The following CPA6 variants were observed in gnomAD, a reference collection of about 807,000 sequenced individuals.
CPA6 encodes the protein carboxypeptidase A6, also known as carboxypeptidase B.
CPA6 carries 58 observed loss-of-function variants against 63.3 expected under a neutral mutation model. The observed-to-expected ratio is 0.92, with a 90% CI of 0.74 to 1.14. CPA6 has a LOEUF of 1.14. CPA6 is among the 50% of genes most tolerant of loss of function. CPA6 has a pLI of 0.00. For synonymous variants in CPA6, 185 were observed against 179.0 expected (o/e 1.03, Z -0.27); for missense variants, 565 against 526.6 (o/e 1.07, Z -0.71).
intron 1 of CPA6, among the ~76,000 whole-genome samples, chr8:67,644,308 CG>C (rs1350196735): frequency 6.6e-6 from 1 of 152,062 alleles, no homozygotes; most frequent in Non-Finnish European, 1.5e-5. Flanking sequence ...TTAGTAGAGA[CG>C]GCGTTTCACC....
chr8:67,430,240 C>T (rs1158939377), intron 9 of CPA6, among the ~76,000 whole-genome samples: 5 of 146,310 alleles, frequency 3.4e-5, no homozygotes, highest in African/African-American at 5.1e-5. Context: ...AGTGCAATGG[C>T]GTGATCTCGG....
At chr8:67,596,018 C>T (rs1030710310) in intron 2 of CPA6, among the ~76,000 whole-genome samples, 18 of 152,214 alleles carry the variant, frequency 1.2e-4, no homozygotes, top group African/African-American at 4.1e-4. Context: ...TCCTATTCGG[C>T]CATCTTGGCT....
At chr8:67,682,489 C>T (rs1816619215) in intron 1 of CPA6, among the ~76,000 whole-genome samples, 2 of 152,124 alleles carry the variant, frequency 1.3e-5, no homozygotes, top group Admixed American at 6.6e-5. Context: ...TCTACTTATT[C>T]TATCATTGGT....
rs761993470 is a variant in CPA6 at position 67,719,468 on chromosome 8, A to T, written c.116+26546T>A. ...ATTAAAGGGGAAAGGCAAGGGCTGC[A>T]GTGGGCCAAGTTATGGAGGGCCTTG... On this transcript the variant is annotated intron_variant, in intron 1 of 10. Transcript: ENST00000297770. Among the ~76,000 whole-genome samples the T allele has an allele frequency of 1.3e-4, 20 of 152,312 alleles. No homozygotes were observed. The South Asian group carries it at 2.7e-3, about 20-fold the overall frequency.
At chr8:67,607,182 T>TCTC (rs1814673782) in intron 2 of CPA6, among the ~76,000 whole-genome samples, 1 of 21,428 alleles carries the variant, frequency 4.7e-5, no homozygotes, top group Non-Finnish European at 8.9e-5. Context: ...TTCTTCTTCT[T>TCTC]CTTCTTCTTC....
At chr8:67,475,873 T>A (rs11991984) in intron 8 of CPA6, among the ~76,000 whole-genome samples, 1 of 88,614 alleles carries the variant, frequency 1.1e-5, no homozygotes, top group East Asian at 3.1e-4. Context: ...CTTTCTTTCT[T>A]TCTTTCTCCT....
intron 2 of CPA6, among the ~76,000 whole-genome samples, chr8:67,586,823 T>C (rs1402859639): frequency 1.3e-5 from 2 of 152,172 alleles, no homozygotes; most frequent in African/African-American, 4.8e-5. Context: ...GGATGAGTTA[T>C]CATTGAGTTG....
intron 2 of CPA6, among the ~76,000 whole-genome samples, chr8:67,611,095 T>A (rs1256694790): frequency 6.6e-6 from 1 of 152,048 alleles, no homozygotes; most frequent in East Asian, 1.9e-4. Flanking sequence ...CTTCTTTTTT[T>A]TTTTTGAGAT....
At chr8:67,523,814 A>G (rs1261073035) in intron 2 of CPA6, among the ~76,000 whole-genome samples, 1 of 152,210 alleles carries the variant, frequency 6.6e-6, no homozygotes. Flanking sequence ...TGTGAGTCCT[A>G]TACACAGATG....
intron 2 of CPA6, among the ~76,000 whole-genome samples, chr8:67,585,273 G>A (rs1813896185): frequency 6.6e-6 from 1 of 152,148 alleles, no homozygotes. Flanking sequence ...AATGATGAAG[G>A]CACATGTGAT....
chr8:67,700,025 C>T (rs774112901), intron 1 of CPA6, among the ~76,000 whole-genome samples: 1 of 152,156 alleles, frequency 6.6e-6, no homozygotes, highest in Admixed American at 6.5e-5. Flanking sequence ...AAGAGATCCA[C>T]GACTCAAAAG....
intron 1 of CPA6, among the ~76,000 whole-genome samples, chr8:67,687,479 T>C (rs1439163873): frequency 6.6e-6 from 1 of 151,360 alleles, no homozygotes; most frequent in African/African-American, 2.5e-5. Context: ...AGACATGGAC[T>C]CATATGCAAT....
intron 8 of CPA6, among the ~76,000 whole-genome samples, chr8:67,459,991 G>A (rs2128956992): frequency 6.6e-6 from 1 of 151,640 alleles, no homozygotes; most frequent in East Asian, 2.0e-4. Context: ...ACCAAAAACT[G>A]CTCTAAAGAA....
At position 67,432,383 on chromosome 8, in the gene CPA6, C is replaced by T. The variant is rs757207392; in HGVS notation, c.1041+1655G>A. ...CTGGGAGGTTGATGCACCCAGAGAACGCACGGAAGCCCTGAGCCCCTTCCC... is the reference window on the plus strand; with the variant it reads ...CTGGGAGGTTGATGCACCCAGAGAATGCACGGAAGCCCTGAGCCCCTTCCC... On this transcript the variant is annotated intron_variant, in intron 9 of 10. Coordinates refer to ENST00000297770, the MANE Select transcript of CPA6 (RefSeq NM_020361.5). Among the ~76,000 whole-genome samples, 4 of 152,256 alleles carry T rather than the reference C, an allele frequency of 2.6e-5. No individual in the cohort carries two copies. In the South Asian group the frequency reaches 8.3e-4, roughly 32 times the overall value.
At chr8:67,622,828 G>T (rs1377017694) in intron 2 of CPA6, among the ~76,000 whole-genome samples, 1 of 152,106 alleles carries the variant, frequency 6.6e-6, no homozygotes, top group East Asian at 1.9e-4. Context: ...AGGCCTGTTT[G>T]GTAATCTGCT....
At chr8:67,682,289 A>C (rs999222441) in intron 1 of CPA6, among the ~76,000 whole-genome samples, 3 of 152,056 alleles carry the variant, frequency 2.0e-5, no homozygotes, top group African/African-American at 4.8e-5. Flanking sequence ...CAAGTTCACT[A>C]GTCTTTTATT....
intron 1 of CPA6, among the ~76,000 whole-genome samples, chr8:67,667,023 C>T (rs1232056962): frequency 6.6e-6 from 1 of 152,128 alleles, no homozygotes; most frequent in Non-Finnish European, 1.5e-5. Flanking sequence ...TTATTACTGT[C>T]TGCAGTGTTG....
intron 8 of CPA6, among the ~76,000 whole-genome samples, chr8:67,482,310 T>C (rs1480386138): frequency 2.0e-5 from 3 of 152,190 alleles, no homozygotes; most frequent in Admixed American, 2.0e-4. Flanking sequence ...AAGCGAAACA[T>C]CCCTGTGTTT....
chr8:67,460,483 G>A (rs1259410194), intron 8 of CPA6, among the ~76,000 whole-genome samples: 1 of 152,176 alleles, frequency 6.6e-6, no homozygotes, highest in Non-Finnish European at 1.5e-5. Context: ...ATAAGGAAAG[G>A]AAATCAATAG....
Sources: gnomAD v4.1 joint callset for allele counts (sites outside exome capture counted in the v4.1 genomes callset) on GRCh38, gnomAD v4.1.1 for gene constraint, MANE v1.5 for transcripts, NCBI Gene and HGNC (gene_info 2026-07-23, HGNC 2026-07-21) for gene names.